Variants in ADORA2B observed in about 807,000 individuals in gnomAD.
The protein encoded by ADORA2B is adenosine A2b receptor.
ADORA2B carries 18 observed loss-of-function variants against 20.8 expected under a neutral mutation model. That is an observed-to-expected ratio of 0.87 (90% confidence interval 0.60 to 1.29). The LOEUF is 1.29. Ranked by LOEUF, ADORA2B falls within the 50% of genes most tolerant of loss-of-function variation. The probability of loss-of-function intolerance (pLI) is 0.00; values close to 1 mark genes in which losing one functional copy is unlikely to be tolerated. For missense variants in ADORA2B, 441 were observed against 422.7 expected (o/e 1.04, Z -0.38); for synonymous variants, 179 against 178.3 (o/e 1.00, Z -0.03).
the ADORA2B span, among the ~76,000 whole-genome samples, chr17:15,899,122 T>G: frequency 6.6e-6 from 1 of 151,508 alleles, no homozygotes; most frequent in Non-Finnish European, 1.5e-5. Flanking sequence ...CCCAGCTACT[T>G]GGGAGGCTGA....
At chr17:15,910,350 T>C in the ADORA2B span, among the ~76,000 whole-genome samples, 1 of 151,668 alleles carries the variant, frequency 6.6e-6, no homozygotes, top group African/African-American at 2.4e-5. Flanking sequence ...CAGGCTGGAG[T>C]GCAGTGGCGT....
chr17:15,945,618 C>T (rs752946237), intron 1 of ADORA2B, 35 bp downstream of exon 1: 60 of 1,437,268 alleles, frequency 4.2e-5, no homozygotes, highest in Non-Finnish European at 5.4e-5. Flanking sequence ...CTCGGGGCCC[C>T]GTCGGAGCTC....
chr17:15,913,562 A>G, the ADORA2B span, among the ~76,000 whole-genome samples: 2 of 152,204 alleles, frequency 1.3e-5, no homozygotes, highest in Non-Finnish European at 1.5e-5. Flanking sequence ...TTTCTCTGCT[A>G]CTATCACTTA....
chr17:15,944,521 G>A (rs973675071), upstream of ADORA2B, among the ~76,000 whole-genome samples: 16 of 152,286 alleles, frequency 1.1e-4, no homozygotes, highest in African/African-American at 3.8e-4. This position sits in a 1 kb window ranked among gnomAD's most constrained non-coding sequence, Gnocchi z 4.8. Context: ...GGGCAGTGGC[G>A]CGGGCGAGGG....
chr17:15,877,149 T>A, the ADORA2B span, among the ~76,000 whole-genome samples: 3 of 152,324 alleles, frequency 2.0e-5, no homozygotes, highest in Non-Finnish European at 4.4e-5. Flanking sequence ...ACTTCTAGGA[T>A]TTTTTTGTTC....
At chr17:15,888,224 G>C in the ADORA2B span, among the ~76,000 whole-genome samples, 1 of 128,984 alleles carries the variant, frequency 7.8e-6, no homozygotes. Context: ...CTGTAGAGCA[G>C]ACCACCCTGA....
chr17:15,951,382 A>C (rs1212438388), intron 1 of ADORA2B, among the ~76,000 whole-genome samples: 1 of 152,168 alleles, frequency 6.6e-6, no homozygotes, highest in Non-Finnish European at 1.5e-5. Flanking sequence ...TCCTGGTCCC[A>C]TGCACAGGCC....
the ADORA2B span, among the ~76,000 whole-genome samples, chr17:15,906,788 T>A: frequency 1.4e-3 from 211 of 152,366 alleles, no homozygotes; most frequent in African/African-American, 5.0e-3. Flanking sequence ...TATAAGATTA[T>A]TCCTAATACA....
chr17:15,871,606 G>A, the ADORA2B span, among the ~76,000 whole-genome samples: 4 of 152,262 alleles, frequency 2.6e-5, no homozygotes, highest in East Asian at 1.9e-4. Context: ...GCTGAACAGC[G>A]GCTTATCTGT....
At chr17:15,896,452 C>A in the ADORA2B span, among the ~76,000 whole-genome samples, 1 of 152,014 alleles carries the variant, frequency 6.6e-6, no homozygotes, top group Non-Finnish European at 1.5e-5. Context: ...TGAGATGTGT[C>A]GCCAAACTGA....
In ADORA2B at chr17:15,969,091, G is replaced by A. The variant is rs1342917640; in HGVS notation, c.336-5588G>A. Among the ~76,000 whole-genome samples the A allele has an allele frequency of 1.3e-5, 2 of 152,142 alleles. 1 individual carries two copies. Among genetic ancestry groups the A allele is most frequent in the South Asian group, 4.1e-4 (2 of 4,822 alleles). On this transcript the variant is annotated intron_variant, in intron 1 of 1. Coordinates refer to ENST00000304222, the MANE Select transcript of ADORA2B (RefSeq NM_000676.4). ...CCTTCCTTCCACTGCAGCTGAGGAA[G>A]TGTCCTTCCCCACATGCCCTGGACC...
At chr17:15,892,650 CTTTCTTT>C in the ADORA2B span, among the ~76,000 whole-genome samples, 2 of 150,316 alleles carry the variant, frequency 1.3e-5, no homozygotes, top group African/African-American at 4.9e-5. Context: ...TTTTTTCTTT[CTTTCTTT>C]TTTTTTTTTT....
At chr17:15,882,940 T>C in the ADORA2B span, among the ~76,000 whole-genome samples, 1 of 152,168 alleles carries the variant, frequency 6.6e-6, no homozygotes, top group Non-Finnish European at 1.5e-5. Flanking sequence ...GGCCTTGATA[T>C]TTGCTGCTGT....
intron 1 of ADORA2B, among the ~76,000 whole-genome samples, chr17:15,962,532 A>T (rs1003727285): frequency 2.6e-5 from 4 of 151,508 alleles, no homozygotes; most frequent in African/African-American, 4.9e-5. Flanking sequence ...ATTTATTTTT[A>T]TTTTTTCCAT....
the ADORA2B span, among the ~76,000 whole-genome samples, chr17:15,908,140 T>G: frequency 6.6e-6 from 1 of 152,140 alleles, no homozygotes; most frequent in East Asian, 1.9e-4. Context: ...CAGGCTAGTG[T>G]GCAGTAACAG....
the ADORA2B span, among the ~76,000 whole-genome samples, chr17:15,871,933 T>C: frequency 6.2e-3 from 948 of 152,302 alleles, 14 homozygotes; most frequent in African/African-American, 0.021. Context: ...ATGGGCTTTT[T>C]ATTGAGCCTT....
the ADORA2B span, among the ~76,000 whole-genome samples, chr17:15,861,298 G>T: frequency 3.6e-4 from 55 of 152,282 alleles, no homozygotes; most frequent in Admixed American, 7.2e-4. Context: ...GAATGGGGTG[G>T]TAATGTGTGT....
At chr17:15,955,380 C>T (rs1475797771) in intron 1 of ADORA2B, among the ~76,000 whole-genome samples, 1 of 151,656 alleles carries the variant, frequency 6.6e-6, no homozygotes, top group African/African-American at 2.4e-5. Context: ...GTTCTTTTCT[C>T]TGGGATTCTT....
At chr17:15,905,270 T>A in the ADORA2B span, among the ~76,000 whole-genome samples, 1 of 138,910 alleles carries the variant, frequency 7.2e-6, no homozygotes, top group African/African-American at 2.5e-5. Context: ...AGACCTTAGT[T>A]GTTTTGTTGT....
Sources: allele counts gnomAD v4.1 joint callset (sites outside exome capture counted in the v4.1 genomes callset), GRCh38; gene constraint gnomAD v4.1.1; non-coding constraint Gnocchi (gnomAD v3.1); transcripts MANE v1.5; gene names NCBI Gene and HGNC (gene_info 2026-07-23, HGNC 2026-07-21).